DENND5A: variants seen among roughly 807,000 people sequenced by gnomAD.
DENND5A encodes DENN domain containing 5A.
DENND5A carries 64 observed loss-of-function variants against 140.3 expected under a neutral mutation model. That is an observed-to-expected ratio of 0.46 (90% confidence interval 0.37 to 0.56). The LOEUF is 0.56. DENND5A is among the 20% of genes least tolerant of loss of function. The pLI is 0.00. For missense variants in DENND5A, 1,292 were observed against 1,593.8 expected, an observed-to-expected ratio of 0.81 and a Z score of 3.22; for synonymous variants, 605 against 607.7, an observed-to-expected ratio of 1.00 and a Z score of 0.07.
intron 1 of DENND5A, among the ~76,000 whole-genome samples, chr11:9,230,376 G>A (rs1423616783): frequency 6.6e-6 from 1 of 151,122 alleles, no homozygotes; most frequent in African/African-American, 2.4e-5. Context: ...AAGTAGCTGG[G>A]ACTATAGGTA....
chr11:9,170,799 C>T (rs904187931), intron 8 of DENND5A, 22 bp from the exon 9 acceptor site: 9 of 1,604,686 alleles, frequency 5.6e-6, no homozygotes, highest in Non-Finnish European at 7.7e-6. Flanking sequence ...TACACACACA[C>T]ACACACACAC....
intron 1 of DENND5A, among the ~76,000 whole-genome samples, chr11:9,230,230 C>CTTTTT (rs71062817): frequency 1.9e-5 from 1 of 52,060 alleles, no homozygotes; most frequent in Non-Finnish European, 3.2e-5. Context: ...AAAACTAATG[C>CTTTTT]TTTTTTTTTT....
Position 9,199,921 on chromosome 11 carries a change from C to T in DENND5A, c.949+3739G>A, listed in dbSNP as rs184260814. 3.3e-5 allele frequency among the ~76,000 whole-genome samples: 5 copies of T among 152,294 alleles called. No homozygotes were observed. In the East Asian group the frequency reaches 7.7e-4, roughly 23 times the overall value. Reference sequence around the variant, plus strand: ...AATTTACATCCAATGAAAAGTAATCCACTCCACTGTGGCCTCAGCCAGGCT... The same window carrying T: ...AATTTACATCCAATGAAAAGTAATCTACTCCACTGTGGCCTCAGCCAGGCT... On this transcript the variant is annotated intron_variant, in intron 4 of 22. Transcript: ENST00000328194.
chr11:9,148,840 T>C (rs1847516532), intron 15 of DENND5A, among the ~76,000 whole-genome samples: 1 of 152,182 alleles, frequency 6.6e-6, no homozygotes. Context: ...ACTTCAGATG[T>C]GGGCATCTCC....
intron 12 of DENND5A, among the ~76,000 whole-genome samples, chr11:9,159,408 C>T (rs1229011581): frequency 6.6e-6 from 1 of 150,864 alleles, no homozygotes; most frequent in African/African-American, 2.4e-5. Flanking sequence ...GCAACCTCTG[C>T]CTCCTGGGTT....
chr11:9,163,592 T>A (rs539026110), intron 11 of DENND5A, among the ~76,000 whole-genome samples: 104 of 152,062 alleles, frequency 6.8e-4, no homozygotes, highest in Non-Finnish European at 1.3e-3. Flanking sequence ...TCACTTGAGG[T>A]CAGGAGTTCA....
intron 1 of DENND5A, among the ~76,000 whole-genome samples, chr11:9,227,322 A>G (rs1213195164): frequency 6.6e-6 from 1 of 152,202 alleles, no homozygotes; most frequent in Non-Finnish European, 1.5e-5. Flanking sequence ...ACGATCACTC[A>G]AACAACTAAT....
intron 15 of DENND5A, among the ~76,000 whole-genome samples, chr11:9,148,886 A>G (rs1847518707): frequency 6.6e-6 from 1 of 152,210 alleles, no homozygotes; most frequent in Non-Finnish European, 1.5e-5. Context: ...GAATTGGGTG[A>G]GATCACCAAG....
rs144328185 is a variant in DENND5A at position 9,210,739 on chromosome 11, C to T, written c.110-3107G>A. Among the ~76,000 whole-genome samples the T allele has an allele frequency of 1.4e-3, 206 of 152,244 alleles. 1 individual carries two copies. The highest frequency in any genetic ancestry group is 1.6e-3 in the Non-Finnish European group (111 of 68,014). On this transcript the variant is annotated intron_variant, in intron 1 of 22. Coordinates refer to ENST00000328194, the MANE Select transcript of DENND5A (RefSeq NM_015213.4). ...GTAGAGTCAGGGTCTAGCTAGGTTG[C>T]CCAGGTTGCTCTCAAATTCCTGGGC...
intron 10 of DENND5A, among the ~76,000 whole-genome samples, chr11:9,166,492 G>T (rs1001260814): frequency 6.6e-6 from 1 of 152,074 alleles, no homozygotes; most frequent in African/African-American, 2.4e-5. Flanking sequence ...TTCTGTTTTA[G>T]CTGATGTAAA....
chr11:9,200,644 T>C (rs892237622), intron 4 of DENND5A, among the ~76,000 whole-genome samples: 1 of 152,240 alleles, frequency 6.6e-6, no homozygotes, highest in East Asian at 1.9e-4. Flanking sequence ...ATGAGGTATG[T>C]GCTCTTCAGT....
chr11:9,205,204 G>C (rs1849654899), intron 3 of DENND5A, among the ~76,000 whole-genome samples: 1 of 152,070 alleles, frequency 6.6e-6, no homozygotes, highest in African/African-American at 2.4e-5. Flanking sequence ...GACATAATCA[G>C]GATAAAGATG....
At chr11:9,164,224 T>A (rs867971268) in intron 11 of DENND5A, among the ~76,000 whole-genome samples, 1,678 of 107,056 alleles carry the variant, frequency 0.016, 90 homozygotes, top group African/African-American at 0.063. Context: ...TTTTTTTTTT[T>A]TTTTTTTTAG....
chr11:9,171,023 T>G (rs921104036), intron 8 of DENND5A: 1 of 567,506 alleles, frequency 1.8e-6, no homozygotes, highest in Non-Finnish European at 2.9e-6. Context: ...ACAAATGAGG[T>G]AACCCCTAGA....
intron 1 of DENND5A, among the ~76,000 whole-genome samples, chr11:9,230,230 CTTTTTTT>C (rs71062817): frequency 2.3e-4 from 12 of 52,090 alleles, no homozygotes; most frequent in African/African-American, 1.1e-3. Context: ...AAAACTAATG[CTTTTTTT>C]TTTTTTTTTT....
At chr11:9,189,252 C>A (rs11600994) in intron 5 of DENND5A, among the ~76,000 whole-genome samples, 8,998 of 152,294 alleles carry the variant, frequency 0.059, 369 homozygotes, top group South Asian at 0.11. Flanking sequence ...GGTTTGGGAA[C>A]CTCTGCCTAG....
intron 1 of DENND5A, among the ~76,000 whole-genome samples, chr11:9,227,987 C>T (rs1200999855): frequency 1.3e-5 from 2 of 151,090 alleles, no homozygotes; most frequent in African/African-American, 4.9e-5. Flanking sequence ...GTGGTGCATG[C>T]CTGTAATCCC....
intron 1 of DENND5A, among the ~76,000 whole-genome samples, chr11:9,251,089 C>T (rs1851698443): frequency 1.4e-5 from 2 of 142,468 alleles, no homozygotes; most frequent in South Asian, 2.2e-4. Context: ...GCGCTGAGAT[C>T]AAGCCACTGC....
At chr11:9,166,106 A>G in intron 10 of DENND5A, 139 bp from the exon 11 acceptor site, 2 of 705,710 alleles carry the variant, frequency 2.8e-6, no homozygotes, top group South Asian at 2.0e-5. Context: ...TTTGAGACGA[A>G]TCTTGCTCTG....
Sources: allele counts gnomAD v4.1 joint callset (sites outside exome capture counted in the v4.1 genomes callset), GRCh38; gene constraint gnomAD v4.1.1; transcripts MANE v1.5; gene names NCBI Gene and HGNC (gene_info 2026-07-23, HGNC 2026-07-21).